Variants in LAX1 observed in about 807,000 individuals in gnomAD.
LAX1 encodes the protein lymphocyte transmembrane adaptor 1, also known as lymphocyte transmembrane adapter 1.
A neutral mutation model predicts 20.7 loss-of-function variants in LAX1; 17 were observed. That is an observed-to-expected ratio of 0.82 (90% CI 0.56 to 1.23). LAX1 has a LOEUF of 1.23. LAX1 is among the 50% of genes most tolerant of loss of function. The pLI is 0.00. For missense variants in LAX1, 470 were observed against 487.0 expected (o/e 0.97, Z 0.33); for synonymous variants, 165 against 181.0 (o/e 0.91, Z 0.71).
At chr1:203,773,580 G>A (rs1466606001) in intron 4 of LAX1, among the ~76,000 whole-genome samples, 3 of 151,056 alleles carry the variant, frequency 2.0e-5, no homozygotes, top group Non-Finnish European at 4.4e-5. Context: ...AAGTGGTGAG[G>A]CTAGGATTTG....
chr1:203,774,769 C>A lies in LAX1; in HGVS notation c.*88C>A. On this transcript the variant is annotated 3_prime_UTR_variant, in exon 5 of 5. Transcript: ENST00000442561. The stretch of plus-strand genomic sequence containing the variant: ...AGAGTCTAGTGCAGACCCGTGATCA[C>A]CTTAGTGCTTCAGTGGATTCACTGG... The A allele has an allele frequency of 9.4e-7, 1 of 1,066,398 alleles. No homozygotes were observed. The highest frequency in any genetic ancestry group is 1.4e-6 in the Non-Finnish European group (1 of 735,682). 66.1% of individuals were successfully genotyped at this position (1,066,398 alleles called of 1,614,324 possible).
At chr1:203,770,459 A>AGAGAGAGAGAGAG (rs56340969) in intron 1 of LAX1, among the ~76,000 whole-genome samples, 2 of 10,544 alleles carry the variant, frequency 1.9e-4, no homozygotes, top group Non-Finnish European at 1.2e-3. Context: ...GAGAGAAAGG[A>AGAGAGAGAGAGAG]AGGAAGGAAG....
At position 203,765,426 on chromosome 1, in the gene LAX1, C is replaced by G; in HGVS notation, c.-140C>G. ...GCTTTTGTATGTTGGGTCAACTTGG[C>G]CTGACGTTTCAGAGGTAGACACGAG... On this transcript the variant is annotated 5_prime_UTR_variant, in exon 1 of 5. Transcript: ENST00000442561. 3 of 1,552,784 alleles carry G rather than the reference C, an allele frequency of 1.9e-6. No homozygotes were observed. The highest frequency in any genetic ancestry group is 2.6e-6 in the Non-Finnish European group (3 of 1,147,380).
chr1:203,767,412 A>G (rs954058823), intron 1 of LAX1, among the ~76,000 whole-genome samples: 4 of 146,816 alleles, frequency 2.7e-5, no homozygotes, highest in African/African-American at 1.0e-4. Flanking sequence ...GGTTCAAGCG[A>G]TTCTCCTGCC....
At position 203,765,622 on chromosome 1, in the gene LAX1, C is replaced by G. The variant is rs766140354; in HGVS notation, c.57C>G (p.Ser19Arg). 1 of 1,614,156 alleles carries G rather than the reference C, an allele frequency of 6.2e-7. No individual in the cohort carries two copies. The highest frequency in any genetic ancestry group is 2.2e-5 in the East Asian group (1 of 44,882). The part of the protein sequence containing the change: ...STIRGRTLES[S>R]TLHVTPRSLD... ...TCAGAGGGAGGACCTTGGAGTCCAGCACTCTGCATGTGACTCCCCGCAGCC... is the reference window on the plus strand; with the variant it reads ...TCAGAGGGAGGACCTTGGAGTCCAGGACTCTGCATGTGACTCCCCGCAGCC... Residue 19 changes from serine to arginine, a missense_variant, in exon 1 of 5, where the codon AGC becomes AGG. Coordinates refer to ENST00000442561, the MANE Select transcript of LAX1 (RefSeq NM_017773.4).
In LAX1 at chr1:203,774,360, A is replaced by G; in HGVS notation, c.876A>G (p.Arg292=). Residue 292 remains arginine (R), a synonymous_variant, in exon 5 of 5, where the codon AGA becomes AGG. Transcript: ENST00000442561. The part of the protein sequence containing the change: ...RQLWVAFQCC[R]DYENVPAADP... ...TCTGGGTGGCTTTTCAGTGCTGCAG[A>G]GACTATGAAAATGTTCCAGCAGCAG... The G allele has an allele frequency of 1.9e-6, 3 of 1,614,200 alleles. No individual in the cohort carries two copies. The highest frequency in any genetic ancestry group is 2.5e-6 in the Non-Finnish European group (3 of 1,180,034).
intron 4 of LAX1, among the ~76,000 whole-genome samples, chr1:203,773,311 G>A (rs1230402312): frequency 6.6e-6 from 1 of 151,978 alleles, no homozygotes; most frequent in Non-Finnish European, 1.5e-5. Context: ...ATATTAGTCG[G>A]GCAGTGGTAG....
At chr1:203,767,355 T>A (rs926799837) in intron 1 of LAX1, among the ~76,000 whole-genome samples, 1 of 137,950 alleles carries the variant, frequency 7.2e-6, no homozygotes, top group African/African-American at 2.6e-5. Flanking sequence ...TTGCCCAGGC[T>A]GGAGTGCAAG....
chr1:203,774,541 C>G lies in LAX1; in HGVS notation c.1057C>G (p.Gln353Glu), dbSNP rs1558073108. ...TTATGCAGACTTTCAGCCATTCACA[C>G]AGAGTGAGGACAGTCAGATGAAACA... ...GDYADFQPFT[Q>E]SEDSQMKHRE... Residue 353 changes from glutamine (Q) to glutamate (E), a missense_variant, in exon 5 of 5, where the codon CAG (glutamine) becomes GAG (glutamate). By Grantham distance (29) the Gln-to-Glu change is conservative (BLOSUM62 2). Coordinates refer to ENST00000442561, the MANE Select transcript of LAX1 (RefSeq NM_017773.4). 1 of 1,614,152 alleles carries G rather than the reference C, an allele frequency of 6.2e-7. No individual in the cohort carries two copies. The highest frequency in any genetic ancestry group is 2.2e-5 in the East Asian group (1 of 44,886).
rs750718438 is a variant in LAX1 at position 203,774,180 on chromosome 1, T to A, written c.696T>A (p.Asp232Glu). The change falls in exon 5 of 5, where the codon GAT (aspartate) becomes GAA (glutamate). Residue 232 changes from aspartate (D) to glutamate (E), a missense_variant. Physicochemically the swap from Asp to Glu is conservative, Grantham distance 45 (BLOSUM62 2). Coordinates refer to ENST00000442561, the MANE Select transcript of LAX1 (RefSeq NM_017773.4). The part of the protein sequence containing the change: ...TQKLEFTEER[D>E]EGCGDAGDCT... The stretch of plus-strand genomic sequence containing the variant: ...AGCTGGAGTTTACTGAGGAAAGAGA[T>A]GAGGGCTGTGGAGATGCTGGTGACT... 1.9e-6 allele frequency: 3 copies of A among 1,614,072 alleles called. No individual in the cohort carries two copies. Among genetic ancestry groups the A allele is most frequent in the Admixed American group, 1.7e-5 (1 of 59,980 alleles).
intron 1 of LAX1, among the ~76,000 whole-genome samples, chr1:203,767,638 C>G (rs1318000203): frequency 6.6e-6 from 1 of 151,988 alleles, no homozygotes; most frequent in Non-Finnish European, 1.5e-5. Flanking sequence ...TTTTGAAGAA[C>G]CTCCATAGTG....
intron 2 of LAX1, 61 bp from the exon 3 acceptor site, chr1:203,771,306 G>T: frequency 9.7e-7 from 1 of 1,028,072 alleles, no homozygotes; most frequent in Admixed American, 1.7e-5. Context: ...ATTCCCATGA[G>T]TCTCTTCACT....
In LAX1 at chr1:203,774,458, C is replaced by G. The variant is rs1320015446; in HGVS notation, c.974C>G (p.Thr325Arg). Residue 325 changes from threonine (T) to arginine (R), a missense_variant, in exon 5 of 5, where the codon ACA becomes AGA. Physicochemically the swap from Thr to Arg is moderately conservative, Grantham distance 71. Coordinates refer to ENST00000442561, the MANE Select transcript of LAX1 (RefSeq NM_017773.4). ...AACATAGGTCATGTCGAGGACAAGA[C>G]AGATGATCCCGGGACCCATGTCCAA... is the stretch of plus-strand genomic sequence containing the variant. ...SSNIGHVEDK[T>R]DDPGTHVQCV... 3.1e-6 allele frequency: 5 copies of G among 1,614,090 alleles called. 1 individual carries two copies. The highest frequency in any genetic ancestry group is 2.2e-5 in the South Asian group (2 of 91,082).
intron 1 of LAX1, among the ~76,000 whole-genome samples, chr1:203,770,567 AAG>A (rs781318639): frequency 2.0e-5 from 3 of 151,044 alleles, no homozygotes; most frequent in East Asian, 1.9e-4. Context: ...GAAAGAAAGA[AAG>A]AGATTAATAA....
rs1558070963 is a variant in LAX1 at position 203,770,557 on chromosome 1, G to GAAAGAAAGAAAGAA, written c.90-258_90-257insAAAAGAAAGAAAGA. The stretch of plus-strand genomic sequence containing the variant: ...AGAAAGAAAGAAAGAAAGAAAGAAA[G>GAAAGAAAGAAAGAA]AAAGAAAGAAAGAGATTAATAAGTT... On this transcript the variant is annotated intron_variant, in intron 1 of 4. Coordinates refer to ENST00000442561, the MANE Select transcript of LAX1 (RefSeq NM_017773.4). Among the ~76,000 whole-genome samples, 31 of 117,326 alleles carry GAAAGAAAGAAAGAA rather than the reference G, an allele frequency of 2.6e-4. 1 individual carries two copies. Among genetic ancestry groups the GAAAGAAAGAAAGAA allele is most frequent in the African/African-American group, 9.3e-4 (29 of 31,206 alleles). 77.0% of individuals were successfully genotyped at this position (117,326 alleles called of 152,430 possible). A position where few individuals can be genotyped will look rare whatever the true frequency, so the allele number is the denominator to read the frequency against.
intron 3 of LAX1, among the ~76,000 whole-genome samples, 157 bp from the exon 4 acceptor site, chr1:203,771,911 C>T (rs1220079355): frequency 6.6e-6 from 1 of 152,136 alleles, no homozygotes; most frequent in Non-Finnish European, 1.5e-5. Flanking sequence ...AGAGTGTCAT[C>T]CCCATAACTC....
At chr1:203,772,742 T>C (rs1667442903) in intron 4 of LAX1, among the ~76,000 whole-genome samples, 1 of 146,846 alleles carries the variant, frequency 6.8e-6, no homozygotes, top group African/African-American at 2.5e-5. Context: ...TTTTTTCTTT[T>C]TTTGCTCACT....
In LAX1 at chr1:203,774,789, C is replaced by A; in HGVS notation, c.*108C>A. ...GATCACCTTAGTGCTTCAGTGGATT[C>A]ACTGGTTAGATTAAAAAGAGGCTGA... On this transcript the variant is annotated 3_prime_UTR_variant, in exon 5 of 5. Coordinates refer to ENST00000442561, the MANE Select transcript of LAX1 (RefSeq NM_017773.4). The A allele has an allele frequency of 2.3e-6, 2 of 875,832 alleles. No individual in the cohort carries two copies. The highest frequency in any genetic ancestry group is 3.5e-6 in the Non-Finnish European group (2 of 574,960). 54.3% of individuals were successfully genotyped at this position (875,832 alleles called of 1,614,324 possible). A position where few individuals can be genotyped will look rare whatever the true frequency, so the allele number is the denominator to read the frequency against.
rs1667476431 is a variant in LAX1 at position 203,774,446 on chromosome 1, T to A, written c.962T>A (p.Val321Asp). 6.2e-7 allele frequency: 1 copy of A among 1,614,082 alleles called. No homozygotes were observed. The highest frequency in any genetic ancestry group is 1.1e-5 in the South Asian group (1 of 91,084). Residue 321 changes from valine to aspartate, a missense_variant, in exon 5 of 5, where the codon GTC (valine) becomes GAC (aspartate). By Grantham distance (152) the Val-to-Asp change is radical. Coordinates refer to ENST00000442561, the MANE Select transcript of LAX1 (RefSeq NM_017773.4). The stretch of plus-strand genomic sequence containing the variant: ...GTGCCATCCTCAAACATAGGTCATG[T>A]CGAGGACAAGACAGATGATCCCGGG... ...KDVPSSNIGH[V>D]EDKTDDPGTH...
Sources: gnomAD v4.1 joint callset for allele counts (sites outside exome capture counted in the v4.1 genomes callset) on GRCh38, gnomAD v4.1.1 for gene constraint, MANE v1.5 for transcripts, NCBI Gene and HGNC (gene_info 2026-07-23, HGNC 2026-07-21) for gene names.